REEP1: variants seen among roughly 807,000 people sequenced by gnomAD.
The protein encoded by REEP1 is receptor accessory protein 1, also known as receptor expression-enhancing protein 1.
A neutral mutation model predicts 40.3 loss-of-function variants in REEP1; 22 were observed. The observed-to-expected ratio is 0.55, with a 90% CI of 0.39 to 0.78. The LOEUF (loss-of-function observed/expected upper bound fraction) is 0.78, where lower values mean the gene tolerates loss of function less well. REEP1 is among the 30% of genes least tolerant of loss of function. The probability of loss-of-function intolerance (pLI) is 0.00; values close to 1 mark genes in which losing one functional copy is unlikely to be tolerated. For missense variants in REEP1, 280 were observed against 361.1 expected (o/e 0.78, Z 1.82); for synonymous variants, 116 against 139.2 (o/e 0.83, Z 1.17).
At position 86,260,687 on chromosome 2, in the gene REEP1, G is replaced by A. The variant is rs533045279; in HGVS notation, c.182+3278C>T. On this transcript the variant is annotated intron_variant, in intron 3 of 8. Coordinates refer to ENST00000538924, the MANE Select transcript of REEP1 (RefSeq NM_001371279.1). ...AGGTGGTGGCATGTGTCAAGAAAAC[G>A]GAGACCTCAGTCCTACAATCATAAG... Among the ~76,000 whole-genome samples, 44 of 152,262 alleles carry A rather than the reference G, an allele frequency of 2.9e-4. 1 individual carries two copies. Among genetic ancestry groups the A allele is most frequent in the African/African-American group, 1.0e-3 (42 of 41,536 alleles).
At chr2:86,259,378 T>TATTTTA (rs1274122916) in intron 3 of REEP1, among the ~76,000 whole-genome samples, 6 of 151,868 alleles carry the variant, frequency 4.0e-5, no homozygotes, top group Non-Finnish European at 7.4e-5. Context: ...TGTATTATTT[T>TATTTTA]ATTTTTATTT....
At chr2:86,277,543 G>A (rs975878164) in intron 2 of REEP1, among the ~76,000 whole-genome samples, 13 of 145,774 alleles carry the variant, frequency 8.9e-5, no homozygotes, top group Middle Eastern at 3.7e-3. Flanking sequence ...GTGATAGAGC[G>A]AGACTCTGTA....
chr2:86,295,633 G>A (rs1002631786), intron 1 of REEP1, among the ~76,000 whole-genome samples: 2 of 152,076 alleles, frequency 1.3e-5, no homozygotes, highest in East Asian at 1.9e-4. Context: ...TCCGCCTCCC[G>A]GATTCAAGCA....
chr2:86,256,961 A>G (rs1676595872), intron 3 of REEP1, among the ~76,000 whole-genome samples: 1 of 152,156 alleles, frequency 6.6e-6, no homozygotes, highest in Non-Finnish European at 1.5e-5. Context: ...TCCCCCAGTC[A>G]GTAGCCTTAC....
intron 1 of REEP1, among the ~76,000 whole-genome samples, chr2:86,294,662 T>A (rs1456241059): frequency 6.6e-6 from 1 of 152,124 alleles, no homozygotes; most frequent in African/African-American, 2.4e-5. Flanking sequence ...GGAAAAAACA[T>A]TGCTGTATAT....
intron 1 of REEP1, among the ~76,000 whole-genome samples, chr2:86,315,733 G>T (rs866389011): frequency 2.7e-4 from 41 of 152,100 alleles, no homozygotes; most frequent in African/African-American, 9.9e-4. Context: ...TTGGTAAGAG[G>T]ACCCAGATGC....
chr2:86,309,587 T>A (rs1004709895), intron 1 of REEP1, among the ~76,000 whole-genome samples: 8 of 152,152 alleles, frequency 5.3e-5, no homozygotes, highest in Admixed American at 2.6e-4. Flanking sequence ...CCCACAGCAC[T>A]GGAAGCTGGA....
chr2:86,314,613 C>A (rs1183989701), intron 1 of REEP1, among the ~76,000 whole-genome samples: 1 of 151,710 alleles, frequency 6.6e-6, no homozygotes, highest in East Asian at 1.9e-4. Context: ...CAGGAACGGA[C>A]CAGCCAATTC....
chr2:86,281,464 C>G (rs985115105), intron 2 of REEP1, among the ~76,000 whole-genome samples: 5 of 152,126 alleles, frequency 3.3e-5, no homozygotes, highest in Admixed American at 3.3e-4. Context: ...CCTGTCCCTA[C>G]TAAAAACACA....
intron 5 of REEP1, among the ~76,000 whole-genome samples, chr2:86,249,111 TAGAC>T (rs1676130446): frequency 6.6e-6 from 1 of 152,024 alleles, no homozygotes; most frequent in Non-Finnish European, 1.5e-5. Flanking sequence ...ATATAAAAAT[TAGAC>T]AGGCATGGTG....
At chr2:86,262,715 A>G (rs943983782) in intron 3 of REEP1, among the ~76,000 whole-genome samples, 4 of 152,234 alleles carry the variant, frequency 2.6e-5, no homozygotes, top group African/African-American at 9.7e-5. Flanking sequence ...ATCACACTTC[A>G]CCATGGTTAA....
chr2:86,220,963 C>T (rs1325035583), intron 7 of REEP1, among the ~76,000 whole-genome samples: 1 of 152,180 alleles, frequency 6.6e-6, no homozygotes, highest in African/African-American at 2.4e-5. Context: ...TCTGCCCCTA[C>T]CCAGCTTATC....
At chr2:86,315,393 A>G (rs1573037683) in intron 1 of REEP1, among the ~76,000 whole-genome samples, 2 of 152,222 alleles carry the variant, frequency 1.3e-5, no homozygotes, top group Non-Finnish European at 2.9e-5. Flanking sequence ...GCCTAGCTCC[A>G]GCTTACAATT....
chr2:86,248,171 G>C (rs1285012850), intron 5 of REEP1, among the ~76,000 whole-genome samples: 2 of 152,114 alleles, frequency 1.3e-5, no homozygotes, highest in Non-Finnish European at 2.9e-5. Context: ...TCTGTATCCT[G>C]GCCTGTAATT....
chr2:86,286,698 G>A (rs1678418536), intron 1 of REEP1, among the ~76,000 whole-genome samples: 1 of 152,132 alleles, frequency 6.6e-6, no homozygotes, highest in Non-Finnish European at 1.5e-5. Context: ...TCAACTTCCT[G>A]GAGCTCTGGC....
intron 2 of REEP1, among the ~76,000 whole-genome samples, chr2:86,268,420 G>A (rs939427698): frequency 6.6e-6 from 1 of 152,122 alleles, no homozygotes; most frequent in African/African-American, 2.4e-5. Context: ...ACTTAGAAAT[G>A]TATCAAACAG....
chr2:86,337,321 C>A lies in REEP1; in HGVS notation c.32+158G>T. The A allele has an allele frequency of 2.5e-6, 1 of 402,750 alleles. No individual in the cohort carries two copies. The highest frequency in any genetic ancestry group is 1.1e-4 in the South Asian group (1 of 8,740). 24.9% of individuals were successfully genotyped at this position (402,750 alleles called of 1,614,324 possible). A position where few individuals can be genotyped will look rare whatever the true frequency, so the allele number is the denominator to read the frequency against. ...CCGCGTCCTGCGCCGCCCGTCCGCC[C>A]GCAGGCGTCCTCGGCGGCTACTGTA... is the stretch of plus-strand genomic sequence containing the variant. On this transcript the variant is annotated intron_variant, in intron 1 of 8. Transcript: ENST00000538924. The surrounding 1 kb of genome is among the most constrained non-coding windows in gnomAD (Gnocchi z 5.8).
At chr2:86,263,798 A>C (rs1479463783) in intron 3 of REEP1, among the ~76,000 whole-genome samples, 167 bp downstream of exon 3, 1 of 152,226 alleles carries the variant, frequency 6.6e-6, no homozygotes, top group Non-Finnish European at 1.5e-5. Context: ...TTACTTGAAG[A>C]ACAACTTTGT....
chr2:86,310,451 G>A (rs1277780971), intron 1 of REEP1, among the ~76,000 whole-genome samples: 3 of 152,072 alleles, frequency 2.0e-5, no homozygotes, highest in Non-Finnish European at 4.4e-5. Context: ...GGTAGCAGGC[G>A]GTACCACCTA....
Sources: gnomAD v4.1 joint callset for allele counts (sites outside exome capture counted in the v4.1 genomes callset) on GRCh38, gnomAD v4.1.1 for gene constraint, Gnocchi (gnomAD v3.1) non-coding constraint, MANE v1.5 for transcripts, NCBI Gene and HGNC (gene_info 2026-07-23, HGNC 2026-07-21) for gene names.